Variants in BTG2 observed in about 807,000 individuals in gnomAD.
BTG2 encodes protein BTG2.
Under a neutral mutation model 13.1 loss-of-function variants are expected in BTG2, and 9 were observed. The observed-to-expected ratio is 0.69, with a 90% CI of 0.41 to 1.20. The LOEUF (loss-of-function observed/expected upper bound fraction) is 1.20. Ranked by LOEUF, BTG2 falls within the 50% of genes most tolerant of loss-of-function variation. The pLI is 0.00. For synonymous variants in BTG2, 92 were observed against 88.6 expected, an observed-to-expected ratio of 1.04 and a Z score of -0.21; for missense variants, 200 against 209.5, an observed-to-expected ratio of 0.95 and a Z score of 0.28.
chr1:203,309,207 T>G lies in BTG2; in HGVS notation c.*1769T>G, dbSNP rs1658337364. 1 of 152,704 alleles carries G rather than the reference T, an allele frequency of 6.5e-6. No individual in the cohort carries two copies. 9.5% of individuals were successfully genotyped at this position (152,704 alleles called of 1,614,324 possible). On this transcript the variant is annotated 3_prime_UTR_variant, in exon 2 of 2. Transcript: ENST00000290551. ...GACCTGCTTCCAGTCTTTATTGCTT[T>G]AAAGTTCACTTTGGGCCCACAGACC...
At position 203,309,297 on chromosome 1, in the gene BTG2, G is replaced by T. The variant is rs1027434552; in HGVS notation, c.*1859G>T. 1 of 152,630 alleles carries T rather than the reference G, an allele frequency of 6.6e-6. No individual in the cohort carries two copies. The highest frequency in any genetic ancestry group is 1.5e-5 in the Non-Finnish European group (1 of 68,036). 9.5% of individuals were successfully genotyped at this position (152,630 alleles called of 1,614,324 possible). On this transcript the variant is annotated 3_prime_UTR_variant, in exon 2 of 2. Transcript: ENST00000290551. ...GTGAATCACTGCAGGCTGTGTTCTT[G>T]CATCTTGTCTGCAAACAGGTCCCTG...
rs541453624 is a variant in BTG2, at chr1:203,305,832, G to T, written c.142+84G>T. 122 of 1,485,254 alleles carry T rather than the reference G, an allele frequency of 8.2e-5. 1 individual carries two copies. The Admixed American group carries it at 2.9e-3, about 36-fold the overall frequency. 92.0% of individuals were successfully genotyped at this position (1,485,254 alleles called of 1,614,324 possible). A position where few individuals can be genotyped will look rare whatever the true frequency, so the allele number is the denominator to read the frequency against. ...CGTCTTTCTTCTACTCCTGCGGCAG[G>T]GTGACCCACGGGAGCAGCTTTGGGA... is the stretch of plus-strand genomic sequence containing the variant. On this transcript the variant is annotated intron_variant, in intron 1 of 1. Transcript: ENST00000290551.
rs901252679 is a variant in BTG2, at chr1:203,308,424, C to T, written c.*986C>T. 6.6e-6 allele frequency: 1 copy of T among 152,648 alleles called. No individual in the cohort carries two copies. The highest frequency in any genetic ancestry group is 1.5e-5 in the Non-Finnish European group (1 of 68,086). The allele number at this position is 152,648 out of a possible 1,614,324, so 9.5% of individuals were successfully genotyped here. On this transcript the variant is annotated 3_prime_UTR_variant, in exon 2 of 2. Coordinates refer to ENST00000290551, the MANE Select transcript of BTG2 (RefSeq NM_006763.3). Reference sequence around the variant, plus strand: ...TTCAAAAGCACAACTCTCCTCTAACCCTCCCCTCCCCCTTCCCTTCTGGTC... The same window carrying T: ...TTCAAAAGCACAACTCTCCTCTAACTCTCCCCTCCCCCTTCCCTTCTGGTC...
rs1294802192 is a variant in BTG2, at chr1:203,307,353, C to T, written c.392C>T (p.Ser131Phe). Residue 131 changes from serine (S) to phenylalanine (F), a missense_variant, in exon 2 of 2, where the codon TCC becomes TTC. By Grantham distance (155) the Ser-to-Phe change is radical. Coordinates refer to ENST00000290551, the MANE Select transcript of BTG2 (RefSeq NM_006763.3). Reference protein sequence around the residue: ...VLYEEAPLAASCGLLTCKNQV... With the variant: ...VLYEEAPLAAFCGLLTCKNQV... ...TACGAGGAGGCCCCACTGGCCGCCT[C>T]CTGTGGGCTCCTCACCTGCAAGAAC... is the stretch of plus-strand genomic sequence containing the variant. 1 of 1,613,526 alleles carries T rather than the reference C, an allele frequency of 6.2e-7. No homozygotes were observed. The highest frequency in any genetic ancestry group is 8.5e-7 in the Non-Finnish European group (1 of 1,179,658).
rs1032362748 is a variant in BTG2, at chr1:203,308,532, A to C, written c.*1094A>C. 6.6e-6 allele frequency: 1 copy of C among 152,578 alleles called. No individual in the cohort carries two copies. The highest frequency in any genetic ancestry group is 1.5e-5 in the Non-Finnish European group (1 of 68,044). The allele number at this position is 152,578 out of a possible 1,614,324, so 9.5% of individuals were successfully genotyped here. A position where few individuals can be genotyped will look rare whatever the true frequency, so the allele number is the denominator to read the frequency against. The stretch of plus-strand genomic sequence containing the variant: ...CCCCCTGGGTCCCAGGAGGGTCTGG[A>C]GGAAAACTGGCTATCAGAACCTCCT... On this transcript the variant is annotated 3_prime_UTR_variant, in exon 2 of 2. Coordinates refer to ENST00000290551, the MANE Select transcript of BTG2 (RefSeq NM_006763.3).
intron 1 of BTG2, among the ~76,000 whole-genome samples, chr1:203,306,182 G>A (rs1658266691): frequency 6.6e-6 from 1 of 152,340 alleles, no homozygotes; most frequent in East Asian, 1.9e-4. Flanking sequence ...TGGAGTCCCA[G>A]TGCGGTTCTT....
intron 1 of BTG2, 149 bp from the exon 2 acceptor site, chr1:203,306,955 A>C (rs1658292944): frequency 3.0e-6 from 2 of 657,432 alleles, no homozygotes; most frequent in African/African-American, 3.7e-5. Flanking sequence ...AAGTGGAAAG[A>C]GGGTCCTAGA....
Position 203,308,118 on chromosome 1 carries a change from G to C in BTG2, c.*680G>C, listed in dbSNP as rs974635442. ...AATCTAAAGCTTTGGGTTTTCTGAGGGGGGGGAGGAGGGAACTGGAGGTTA... is the reference window on the plus strand; with the variant it reads ...AATCTAAAGCTTTGGGTTTTCTGAGCGGGGGGAGGAGGGAACTGGAGGTTA... On this transcript the variant is annotated 3_prime_UTR_variant, in exon 2 of 2. Coordinates refer to ENST00000290551, the MANE Select transcript of BTG2 (RefSeq NM_006763.3). 9.2e-4 allele frequency: 1 copy of C among 1,090 alleles called. No homozygotes were observed. The highest frequency in any genetic ancestry group is 0.056 in the Admixed American group (1 of 18). The allele number at this position is 1,090 out of a possible 1,614,324, so 0.1% of individuals were successfully genotyped here. A position where few individuals can be genotyped will look rare whatever the true frequency, so the allele number is the denominator to read the frequency against.
Position 203,307,252 on chromosome 1 carries a change from C to T in BTG2, c.291C>T (p.Pro97=). 3 of 1,614,268 alleles carry T rather than the reference C, an allele frequency of 1.9e-6. No individual in the cohort carries two copies. The highest frequency in any genetic ancestry group is 1.7e-6 in the Non-Finnish European group (2 of 1,180,060). Reference sequence around the variant, plus strand: ...AGCCCCAGCTGCACCAGCTGCTGCCCAGCGAGCTGACCCTGTGGGTGGACC... The same window carrying T: ...AGCCCCAGCTGCACCAGCTGCTGCCTAGCGAGCTGACCCTGTGGGTGGACC... ...LSQPQLHQLL[P]SELTLWVDPY... The change falls in exon 2 of 2, where the codon CCC becomes CCT. Residue 97 remains proline, a synonymous_variant. Transcript: ENST00000290551.
rs1035039974 is a variant in BTG2 at position 203,305,558 on chromosome 1, C to T, written c.-49C>T. The T allele has an allele frequency of 1.3e-6, 2 of 1,571,360 alleles. No individual in the cohort carries two copies. Among genetic ancestry groups the T allele is most frequent in the African/African-American group, 1.4e-5 (1 of 73,218 alleles). On this transcript the variant is annotated 5_prime_UTR_variant, in exon 1 of 2. Transcript: ENST00000290551. Reference sequence around the variant, plus strand: ...GGCCAGGGTAACGCTGTCTTGTGGACCCGCACTTCCCACCCGAGACCTCTC... The same window carrying T: ...GGCCAGGGTAACGCTGTCTTGTGGATCCGCACTTCCCACCCGAGACCTCTC...
rs1180737634 is a variant in BTG2 at position 203,305,593 on chromosome 1, G to A, written c.-14G>A. 4.4e-6 allele frequency: 7 copies of A among 1,600,574 alleles called. 1 individual carries two copies. In the South Asian group the frequency reaches 4.5e-5, roughly 10 times the overall value. ...CCACCCGAGACCTCTCACTGAGCCC[G>A]AGCCGCGCGCGACATGAGCCACGGG... On this transcript the variant is annotated 5_prime_UTR_variant, in exon 1 of 2. Coordinates refer to ENST00000290551, the MANE Select transcript of BTG2 (RefSeq NM_006763.3).
rs1178198891 is a variant in BTG2 at position 203,308,734 on chromosome 1, T to C, written c.*1296T>C. On this transcript the variant is annotated 3_prime_UTR_variant, in exon 2 of 2. Coordinates refer to ENST00000290551, the MANE Select transcript of BTG2 (RefSeq NM_006763.3). ...AAGCCAAACCTTGGGCACTGTTTTTTCTCCCTGGTGCTCAGAGCACCTGTG... is the reference window on the plus strand; with the variant it reads ...AAGCCAAACCTTGGGCACTGTTTTTCCTCCCTGGTGCTCAGAGCACCTGTG... 6.5e-6 allele frequency: 1 copy of C among 152,684 alleles called. No homozygotes were observed. Among genetic ancestry groups the C allele is most frequent in the Non-Finnish European group, 1.5e-5 (1 of 68,060 alleles). 9.5% of individuals were successfully genotyped at this position (152,684 alleles called of 1,614,324 possible).
chr1:203,307,343 C>G lies in BTG2; in HGVS notation c.382C>G (p.Leu128Val). 2 of 1,613,938 alleles carry G rather than the reference C, an allele frequency of 1.2e-6. No homozygotes were observed. Among genetic ancestry groups the G allele is most frequent in the East Asian group, 2.2e-5 (1 of 44,880 alleles). The stretch of plus-strand genomic sequence containing the variant: ...CTGCGTCTTGTACGAGGAGGCCCCA[C>G]TGGCCGCCTCCTGTGGGCTCCTCAC... ...SICVLYEEAP[L>V]AASCGLLTCK... Residue 128 changes from leucine (L) to valine (V), a missense_variant, in exon 2 of 2, where the codon CTG becomes GTG. Coordinates refer to ENST00000290551, the MANE Select transcript of BTG2 (RefSeq NM_006763.3).
rs1658323050 is a variant in BTG2, at chr1:203,308,454, C to T, written c.*1016C>T. 6.6e-6 allele frequency: 1 copy of T among 152,644 alleles called. No individual in the cohort carries two copies. Among genetic ancestry groups the T allele is most frequent in the African/African-American group, 2.4e-5 (1 of 41,434 alleles). The allele number at this position is 152,644 out of a possible 1,614,324, so 9.5% of individuals were successfully genotyped here. A position where few individuals can be genotyped will look rare whatever the true frequency, so the allele number is the denominator to read the frequency against. ...CCTCCCCCTTCCCTTCTGGTCGGGT[C>T]ATAGAGCTACCGTATTTTCTAGGAC... On this transcript the variant is annotated 3_prime_UTR_variant, in exon 2 of 2. Transcript: ENST00000290551.
chr1:203,306,085 A>T (rs1658256099), intron 1 of BTG2, among the ~76,000 whole-genome samples: 1 of 151,182 alleles, frequency 6.6e-6, no homozygotes, highest in South Asian at 2.1e-4. Context: ...AGATCTTAAG[A>T]CCCTCGATGG....
rs1658318966 is a variant in BTG2, at chr1:203,308,245, A to T, written c.*807A>T. Reference sequence around the variant, plus strand: ...TAATTTGGGGGTGATTTGCAATGAAATTTTGGGACCCAAAGAGTATCCACT... The same window carrying T: ...TAATTTGGGGGTGATTTGCAATGAATTTTTGGGACCCAAAGAGTATCCACT... On this transcript the variant is annotated 3_prime_UTR_variant, in exon 2 of 2. Transcript: ENST00000290551. 1 of 152,570 alleles carries T rather than the reference A, an allele frequency of 6.6e-6. No individual in the cohort carries two copies. The highest frequency in any genetic ancestry group is 2.4e-5 in the African/African-American group (1 of 41,426). The allele number at this position is 152,570 out of a possible 1,614,324, so 9.5% of individuals were successfully genotyped here.
At chr1:203,306,473 C>T (rs1378648309) in intron 1 of BTG2, among the ~76,000 whole-genome samples, 1 of 152,200 alleles carries the variant, frequency 6.6e-6, no homozygotes, top group Non-Finnish European at 1.5e-5. Flanking sequence ...CATCTCGGAA[C>T]GCACCCACAC....
chr1:203,305,793 A>T, intron 1 of BTG2, 45 bp downstream of exon 1: 1 of 1,527,104 alleles, frequency 6.5e-7, no homozygotes, highest in Non-Finnish European at 8.8e-7. Flanking sequence ...GGTCGGCCCC[A>T]TCCCTGCCAG....
In BTG2 at chr1:203,307,521, T is replaced by G. The variant is rs2102285964; in HGVS notation, c.*83T>G. On this transcript the variant is annotated 3_prime_UTR_variant, in exon 2 of 2. Coordinates refer to ENST00000290551, the MANE Select transcript of BTG2 (RefSeq NM_006763.3). ...CCACATACCTCAACCTGGGGAACTG[T>G]ATTTTTAAATGAAGAGCTATTTATA... 1 of 1,128,798 alleles carries G rather than the reference T, an allele frequency of 8.9e-7. No individual in the cohort carries two copies. The highest frequency in any genetic ancestry group is 1.7e-5 in the South Asian group (1 of 60,072). 69.9% of individuals were successfully genotyped at this position (1,128,798 alleles called of 1,614,324 possible). A position where few individuals can be genotyped will look rare whatever the true frequency, so the allele number is the denominator to read the frequency against.
Sources: allele counts gnomAD v4.1 joint callset (sites outside exome capture counted in the v4.1 genomes callset), GRCh38; gene constraint gnomAD v4.1.1; transcripts MANE v1.5; gene names NCBI Gene and HGNC (gene_info 2026-07-23, HGNC 2026-07-21).